PCDHA6: variants seen among roughly 807,000 people sequenced by gnomAD.
PCDHA6 encodes protocadherin alpha 6, also known as protocadherin alpha-6.
A neutral mutation model predicts 60.3 loss-of-function variants in PCDHA6; 55 were observed. That is an observed-to-expected ratio of 0.91 (90% CI 0.73 to 1.14). The LOEUF is 1.14. Among genes scored for constraint, PCDHA6 ranks in the 50% most tolerant of loss-of-function variants. The pLI is 0.00. For synonymous variants in PCDHA6, 652 were observed against 557.9 expected (o/e 1.17, Z -2.38); for missense variants, 1,327 against 1,256.5 (o/e 1.06, Z -0.85).
chr5:140,983,009 G>C (rs1272086703), intron 3 of PCDHA6, among the ~76,000 whole-genome samples: 2 of 151,884 alleles, frequency 1.3e-5, no homozygotes, highest in Non-Finnish European at 2.9e-5. Flanking sequence ...AAAGAAAAAG[G>C]AAGGAAGGAA....
intron 1 of PCDHA6, among the ~76,000 whole-genome samples, chr5:140,912,129 A>C (rs2075781767): frequency 6.6e-6 from 1 of 152,156 alleles, no homozygotes; most frequent in Admixed American, 6.6e-5. Flanking sequence ...AGTCAGTCTA[A>C]TCTCTCCATG....
intron 1 of PCDHA6, among the ~76,000 whole-genome samples, chr5:140,959,564 G>T (rs1440482785): frequency 6.6e-6 from 1 of 152,072 alleles, no homozygotes; most frequent in Non-Finnish European, 1.5e-5. Flanking sequence ...ATCAGTACTA[G>T]ATTTTTTGTT....
chr5:140,971,999 A>G (rs543282950), intron 1 of PCDHA6, among the ~76,000 whole-genome samples: 18 of 152,302 alleles, frequency 1.2e-4, no homozygotes, highest in African/African-American at 3.8e-4. Flanking sequence ...TCCAATGTTT[A>G]TATTCCCTTT....
At chr5:140,843,846 C>A in intron 1 of PCDHA6, 3 of 993,808 alleles carry the variant, frequency 3.0e-6, no homozygotes, top group Non-Finnish European at 4.4e-6. Context: ...TTTTAGAAAC[C>A]TTTTATAATT....
chr5:140,840,895 A>C (rs1776928646), intron 1 of PCDHA6, among the ~76,000 whole-genome samples: 1 of 152,026 alleles, frequency 6.6e-6, no homozygotes, highest in South Asian at 2.1e-4. Context: ...TATCCATGAC[A>C]TACAGGTCAT....
chr5:140,869,972 A>T (rs782424515), intron 1 of PCDHA6: 14 of 1,613,080 alleles, frequency 8.7e-6, no homozygotes. Context: ...AATGGAAGAC[A>T]CTTATTTACA....
rs139717123 is a variant in PCDHA6, at chr5:140,967,213, G to A, written c.2395-11736G>A. 8 of 1,613,598 alleles carry A rather than the reference G, an allele frequency of 5.0e-6. No individual in the cohort carries two copies. The African/African-American group carries it at 8.0e-5, about 16-fold the overall frequency. On this transcript the variant is annotated intron_variant, in intron 1 of 3. Coordinates refer to ENST00000529310, the MANE Select transcript of PCDHA6 (RefSeq NM_018909.4). ...TCAACGACAACTCACCGCGTTTCCC[G>A]CGGCCCAACTACCAGCTTCAGGTAA...
At chr5:140,833,958 A>G (rs1772734204) in intron 1 of PCDHA6, among the ~76,000 whole-genome samples, 1 of 152,116 alleles carries the variant, frequency 6.6e-6, no homozygotes, top group African/African-American at 2.4e-5. Flanking sequence ...TTTATTTAAA[A>G]CTGTGTGAAA....
intron 1 of PCDHA6, among the ~76,000 whole-genome samples, chr5:140,898,157 G>T (rs1455235992): frequency 2.6e-5 from 4 of 152,162 alleles, no homozygotes; most frequent in African/African-American, 7.2e-5. Flanking sequence ...CACGCTGATG[G>T]TGGTTTCTTT....
intron 1 of PCDHA6, chr5:140,969,073 G>T (rs781937942): frequency 2.5e-6 from 4 of 1,614,092 alleles, no homozygotes; most frequent in South Asian, 2.2e-5. Flanking sequence ...CCAGGATACC[G>T]CATGGCCTCA....
intron 1 of PCDHA6, chr5:140,883,985 G>A (rs782534317): frequency 1.2e-6 from 2 of 1,612,814 alleles, no homozygotes; most frequent in Admixed American, 1.7e-5. Context: ...GGCTGGCAGC[G>A]CGGGAGGCAC....
chr5:140,906,252 C>A (rs1376694912), intron 1 of PCDHA6, among the ~76,000 whole-genome samples: 1 of 152,180 alleles, frequency 6.6e-6, no homozygotes, highest in African/African-American at 2.4e-5. Context: ...AACCCATACA[C>A]ACCTCCTGAA....
chr5:140,864,342 C>A (rs1374000781), intron 1 of PCDHA6: 2 of 152,062 alleles, frequency 1.3e-5, no homozygotes, highest in African/African-American at 4.8e-5. Context: ...GAGTTTAAAA[C>A]ATGTTTAAAT....
chr5:140,842,127 C>A (rs2150329918), intron 1 of PCDHA6: 3 of 1,613,572 alleles, frequency 1.9e-6, no homozygotes, highest in African/African-American at 1.3e-5. Context: ...GCTTCTGATC[C>A]GGATGAAGGA....
chr5:140,834,506 T>C (rs2150220079), intron 1 of PCDHA6: 63 of 1,614,028 alleles, frequency 3.9e-5, no homozygotes, highest in Admixed American at 2.2e-4. Flanking sequence ...AGGCTAAACA[T>C]GGCAACTTCG....
At chr5:140,903,714 A>G (rs1159490924) in intron 1 of PCDHA6, among the ~76,000 whole-genome samples, 3 of 152,324 alleles carry the variant, frequency 2.0e-5, no homozygotes, top group African/African-American at 2.4e-5. Context: ...AAAATATACA[A>G]TTCTCCCTAT....
At chr5:140,851,968 C>G (rs1409588887) in intron 1 of PCDHA6, 2 of 976,644 alleles carry the variant, frequency 2.0e-6, no homozygotes, top group African/African-American at 3.5e-5. Flanking sequence ...GTTTTCCACA[C>G]TCTACCTTTA....
Position 140,838,095 on chromosome 5 carries a change from T to TA in PCDHA6, c.2394+7610_2394+7611insA, listed in dbSNP as rs1554136885. On this transcript the variant is annotated intron_variant, in intron 1 of 3. Transcript: ENST00000529310. ...TATATATAGTGTGTGTGTGTGTGTG[T>TA]GTGTGTGTGTGTGTGTGTGTGTGTG... 2.7e-5 allele frequency among the ~76,000 whole-genome samples: 4 copies of TA among 145,996 alleles called. 1 individual carries two copies. The highest frequency in any genetic ancestry group is 1.0e-4 in the African/African-American group (4 of 39,008).
intron 1 of PCDHA6, among the ~76,000 whole-genome samples, chr5:140,936,450 T>C (rs1217629620): frequency 6.6e-6 from 1 of 152,234 alleles, no homozygotes; most frequent in Non-Finnish European, 1.5e-5. Context: ...TAACCACATC[T>C]GTTTAGTGGT....
Sources: gnomAD v4.1 joint callset for allele counts (sites outside exome capture counted in the v4.1 genomes callset) on GRCh38, gnomAD v4.1.1 for gene constraint, MANE v1.5 for transcripts, NCBI Gene and HGNC (gene_info 2026-07-23, HGNC 2026-07-21) for gene names.